COL4A3: variants seen among roughly 807,000 people sequenced by gnomAD.
The protein encoded by COL4A3 is collagen alpha-3(IV) chain.
A neutral mutation model predicts 217.4 loss-of-function variants in COL4A3; 135 were observed. The observed-to-expected ratio is 0.62, with a 90% CI of 0.54 to 0.72. COL4A3 has a LOEUF of 0.72. Among genes scored for constraint, COL4A3 ranks in the 30% least tolerant of loss-of-function variants. COL4A3 has a pLI of 0.00. For synonymous variants in COL4A3, 690 were observed against 736.3 expected (o/e 0.94, Z 1.02); for missense variants, 1,868 against 2,119.9 (o/e 0.88, Z 2.33).
At chr2:227,199,807 A>T (rs1375758312) in intron 1 of COL4A3, among the ~76,000 whole-genome samples, 5 of 151,738 alleles carry the variant, frequency 3.3e-5, no homozygotes, top group Non-Finnish European at 7.4e-5. Flanking sequence ...TAACATGCAT[A>T]GTTCTTGTGC....
rs2073458601 is a variant in COL4A3, at chr2:227,305,370, C to T, written c.4252+287C>T. ...TCCTATGGGTGTTCTTTCAAAAAGGCCAATACCTGTTTTTAATAACTTATA... is the reference window on the plus strand; with the variant it reads ...TCCTATGGGTGTTCTTTCAAAAAGGTCAATACCTGTTTTTAATAACTTATA... On this transcript the variant is annotated intron_variant, in intron 47 of 51. Transcript: ENST00000396578. The T allele has an allele frequency of 3.5e-5, 13 of 374,166 alleles. No individual in the cohort carries two copies. In the South Asian group the frequency reaches 3.5e-4, roughly 10 times the overall value. 23.2% of individuals were successfully genotyped at this position (374,166 alleles called of 1,614,324 possible).
chr2:227,303,768 A>T, intron 44 of COL4A3, 91 bp from the exon 45 acceptor site: 1 of 1,215,982 alleles, frequency 8.2e-7, no homozygotes, highest in Non-Finnish European at 1.2e-6. Flanking sequence ...GCACACTTCT[A>T]GTATTTGTCC....
chr2:227,283,182 T>G (rs181505955), intron 32 of COL4A3, among the ~76,000 whole-genome samples: 1 of 152,228 alleles, frequency 6.6e-6, no homozygotes, highest in Non-Finnish European at 1.5e-5. Flanking sequence ...TTGTTTTAAT[T>G]TCATGGCTAT....
At chr2:227,257,916 A>G (rs1044483892) in intron 18 of COL4A3, among the ~76,000 whole-genome samples, 7 of 152,236 alleles carry the variant, frequency 4.6e-5, no homozygotes, top group African/African-American at 1.7e-4. Flanking sequence ...GCCCAAGGTG[A>G]TCCTGCCCCT....
rs139787683 is a variant in COL4A3, at chr2:227,176,801, C to T, written c.87+11988C>T. 3.0e-3 allele frequency among the ~76,000 whole-genome samples: 450 copies of T among 152,150 alleles called. 1 individual carries two copies. The highest frequency in any genetic ancestry group is 0.01 in the African/African-American group (435 of 41,496). On this transcript the variant is annotated intron_variant, in intron 1 of 51. Transcript: ENST00000396578. ...AATATTCTTTCTCTGTATCAAATGA[C>T]GAAGTTTGTCTGGAGAGACCCAAGG...
intron 3 of COL4A3, among the ~76,000 whole-genome samples, chr2:227,243,097 G>A (rs1466542019): frequency 3.3e-5 from 5 of 152,102 alleles, no homozygotes; most frequent in Non-Finnish European, 7.4e-5. Flanking sequence ...ATTGTTATCT[G>A]TAGCCTACTC....
At chr2:227,187,886 G>A (rs2066087900) in intron 1 of COL4A3, among the ~76,000 whole-genome samples, 3 of 152,102 alleles carry the variant, frequency 2.0e-5, no homozygotes, top group Admixed American at 2.0e-4. Context: ...ATCTCCAGAG[G>A]GAATAAGATT....
At chr2:227,266,317 A>T (rs1257261520) in intron 21 of COL4A3, 100 bp from the exon 22 acceptor site, 9 of 921,218 alleles carry the variant, frequency 9.8e-6, no homozygotes, top group Non-Finnish European at 1.6e-5. Context: ...TTCCAATACA[A>T]AGATGAGAGA....
At chr2:227,290,518 CA>C (rs753262433) in intron 36 of COL4A3, among the ~76,000 whole-genome samples, 2 of 151,190 alleles carry the variant, frequency 1.3e-5, no homozygotes, top group African/African-American at 4.9e-5. Flanking sequence ...CCAACAACAA[CA>C]AAAAAAACAG....
chr2:227,205,540 C>A (rs1181997303), intron 1 of COL4A3, among the ~76,000 whole-genome samples: 1 of 151,928 alleles, frequency 6.6e-6, no homozygotes, highest in African/African-American at 2.4e-5. Flanking sequence ...TACATGATCC[C>A]AGACATGTAA....
Position 227,304,118 on chromosome 2 carries a change from G to A in COL4A3, c.4127G>A (p.Gly1376Glu). The change falls in exon 46 of 52, where the codon GGG becomes GAG. Residue 1376 changes from glycine to glutamate, a missense_variant. Transcript: ENST00000396578. ...PGEPGMQGEP[G>E]PPGPPGNLGP... ...GAACCAGGGATGCAGGGAGAACCTGGGCCACCAGGGCCACCTGGAAACCTA... is the reference window on the plus strand; with the variant it reads ...GAACCAGGGATGCAGGGAGAACCTGAGCCACCAGGGCCACCTGGAAACCTA... 1.2e-6 allele frequency: 2 copies of A among 1,614,102 alleles called. No homozygotes were observed. The highest frequency in any genetic ancestry group is 2.2e-5 in the South Asian group (2 of 91,080).
Position 227,236,626 on chromosome 2 carries a change from T to A in COL4A3, c.88-1342T>A, listed in dbSNP as rs1047278670. ...AAAATAATAAAGCAAAGGATTAATA[T>A]GTAACCATATAATATGCAGCATATA... On this transcript the variant is annotated intron_variant, in intron 1 of 51. Coordinates refer to ENST00000396578, the MANE Select transcript of COL4A3 (RefSeq NM_000091.5). 2.0e-5 allele frequency among the ~76,000 whole-genome samples: 3 copies of A among 152,290 alleles called. 1 individual carries two copies. In the South Asian group the frequency reaches 6.2e-4, roughly 32 times the overall value.
At chr2:227,307,584 C>T in intron 47 of COL4A3, 126 bp from the exon 48 acceptor site, 1 of 802,806 alleles carries the variant, frequency 1.2e-6, no homozygotes, top group Non-Finnish European at 2.1e-6. Context: ...TTATAAGCCA[C>T]TCTTCTCTAG....
Position 227,293,323 on chromosome 2 carries a change from G to C in COL4A3, c.3337+6G>C, listed in dbSNP as rs1008678288. The C allele has an allele frequency of 1.2e-5, 20 of 1,613,614 alleles. No individual in the cohort carries two copies. Among genetic ancestry groups the C allele is most frequent in the South Asian group, 5.5e-5 (5 of 91,052 alleles). The stretch of plus-strand genomic sequence containing the variant: ...TGGAAGTCCTGGCCTCCCAGGTAAG[G>C]CTTGAGTTTACAATTCTAAAAGCTG... On this transcript the variant is annotated splice_donor_region_variant and intron_variant, in intron 38 of 51. Coordinates refer to ENST00000396578, the MANE Select transcript of COL4A3 (RefSeq NM_000091.5).
intron 42 of COL4A3, 88 bp from the exon 43 acceptor site, chr2:227,298,594 G>T: frequency 6.4e-7 from 1 of 1,561,636 alleles, no homozygotes; most frequent in Non-Finnish European, 8.8e-7. Context: ...TAAGTGAAGG[G>T]TTTATACTTC....
chr2:227,261,835 A>G (rs2070590109), intron 20 of COL4A3, among the ~76,000 whole-genome samples: 1 of 152,220 alleles, frequency 6.6e-6, no homozygotes, highest in Non-Finnish European at 1.5e-5. Context: ...CTTTTTCTGT[A>G]AAGTTCTAAA....
chr2:227,293,231 A>T lies in COL4A3; in HGVS notation c.3251A>T (p.Glu1084Val), dbSNP rs2072858880. The change falls in exon 38 of 52, where the codon GAA becomes GTA. Residue 1084 changes from glutamate (E) to valine (V), a missense_variant. Coordinates refer to ENST00000396578, the MANE Select transcript of COL4A3 (RefSeq NM_000091.5). Reference protein sequence around the residue: ...GLPGDMGKKGEMGQPGPPGHL... With the variant: ...GLPGDMGKKGVMGQPGPPGHL... ...CCGGGTGATATGGGAAAGAAAGGAG[A>T]AATGGGGCAACCTGGCCCACCTGGA... 6.2e-7 allele frequency: 1 copy of T among 1,613,914 alleles called. No individual in the cohort carries two copies. Among genetic ancestry groups the T allele is most frequent in the Admixed American group, 1.7e-5 (1 of 60,012 alleles).
intron 28 of COL4A3, among the ~76,000 whole-genome samples, chr2:227,277,826 C>T (rs1270896283): frequency 6.6e-6 from 1 of 151,946 alleles, no homozygotes; most frequent in African/African-American, 2.4e-5. Context: ...ATGGTGAAAC[C>T]CCGTCTCTAT....
At chr2:227,249,342 TCTC>T (rs1338453467) in intron 9 of COL4A3, among the ~76,000 whole-genome samples, 3 of 144,794 alleles carry the variant, frequency 2.1e-5, no homozygotes, top group African/African-American at 7.7e-5. Flanking sequence ...TTCAAGCAAT[TCTC>T]CTGCCTCAGC....
Sources: gnomAD v4.1 joint callset for allele counts (sites outside exome capture counted in the v4.1 genomes callset) on GRCh38, gnomAD v4.1.1 for gene constraint, MANE v1.5 for transcripts, NCBI Gene and HGNC (gene_info 2026-07-23, HGNC 2026-07-21) for gene names.